ZFPM2: variants seen among roughly 807,000 people sequenced by gnomAD.
The protein encoded by ZFPM2 is zinc finger protein, FOG family member 2.
A neutral mutation model predicts 98.6 loss-of-function variants in ZFPM2; 20 were observed. That is an observed-to-expected ratio of 0.20 (90% confidence interval 0.14 to 0.29). The LOEUF (loss-of-function observed/expected upper bound fraction) is 0.29, where lower values mean the gene tolerates loss of function less well. Among genes scored for constraint, ZFPM2 ranks in the 10% least tolerant of loss-of-function variants. The pLI, the probability that ZFPM2 is intolerant of heterozygous loss-of-function variation, is 1.00. For missense variants in ZFPM2, 1,310 were observed against 1,388.6 expected (o/e 0.94, Z 0.90); for synonymous variants, 518 against 502.7 (o/e 1.03, Z -0.41).
chr8:105,592,571 C>T (rs1214341388), intron 4 of ZFPM2, among the ~76,000 whole-genome samples: 3 of 151,846 alleles, frequency 2.0e-5, no homozygotes, highest in Admixed American at 2.0e-4. Context: ...ATTTTTTTCT[C>T]ATTTTCTTTT....
Position 105,535,737 on chromosome 8 carries a change from G to A in ZFPM2, c.302-25626G>A, listed in dbSNP as rs562314356. The stretch of plus-strand genomic sequence containing the variant: ...TGCTTCAGATGCTCAGCCCTGGAGG[G>A]AGAGTTTAACTCTGTCTTCTTTCTG... On this transcript the variant is annotated intron_variant, in intron 3 of 7. Transcript: ENST00000407775. Among the ~76,000 whole-genome samples, 21 of 152,254 alleles carry A rather than the reference G, an allele frequency of 1.4e-4. No individual in the cohort carries two copies. The South Asian group carries it at 4.3e-3, about 32-fold the overall frequency.
chr8:105,319,637 G>T (rs1197741084), intron 1 of ZFPM2: 1 of 152,476 alleles, frequency 6.6e-6, no homozygotes, highest in Non-Finnish European at 1.5e-5. Flanking sequence ...ACTTCGGGCG[G>T]GTCCGGCTCA....
chr8:105,542,993 T>A (rs995038735), intron 3 of ZFPM2, among the ~76,000 whole-genome samples: 2 of 152,164 alleles, frequency 1.3e-5, no homozygotes, highest in African/African-American at 4.8e-5. Context: ...GGTGGGTCAT[T>A]AGGTTGTTAC....
chr8:105,445,398 T>G (rs1812346080), intron 3 of ZFPM2, among the ~76,000 whole-genome samples: 1 of 152,170 alleles, frequency 6.6e-6, no homozygotes. Context: ...TGTATTATAT[T>G]TAAAGTACCT....
intron 5 of ZFPM2, among the ~76,000 whole-genome samples, chr8:105,661,172 A>G (rs1031698564): frequency 1.3e-5 from 2 of 152,202 alleles, no homozygotes; most frequent in Non-Finnish European, 2.9e-5. Flanking sequence ...TGAATTGCTT[A>G]ATAAGCTTCG....
intron 5 of ZFPM2, among the ~76,000 whole-genome samples, chr8:105,658,882 A>G (rs1166692161): frequency 6.6e-6 from 1 of 152,210 alleles, no homozygotes; most frequent in Non-Finnish European, 1.5e-5. Flanking sequence ...TATCAGCATT[A>G]TTATATCAGT....
chr8:105,501,285 C>A (rs376222630), intron 3 of ZFPM2, among the ~76,000 whole-genome samples: 1 of 150,620 alleles, frequency 6.6e-6, no homozygotes, highest in Admixed American at 6.6e-5. Context: ...CAGGTTTAAG[C>A]GATTCTCCTG....
At chr8:105,604,909 A>G (rs1372014782) in intron 4 of ZFPM2, among the ~76,000 whole-genome samples, 4 of 152,104 alleles carry the variant, frequency 2.6e-5, no homozygotes, top group African/African-American at 9.7e-5. Flanking sequence ...ATTATCTTGT[A>G]TGTTTTGCTA....
At chr8:105,577,221 C>A (rs1319742522) in intron 4 of ZFPM2, among the ~76,000 whole-genome samples, 2 of 152,058 alleles carry the variant, frequency 1.3e-5, no homozygotes, top group East Asian at 3.9e-4. Flanking sequence ...CACAGAATTG[C>A]TTCATGTAAG....
chr8:105,473,068 A>AT (rs964736783), intron 3 of ZFPM2, among the ~76,000 whole-genome samples: 7 of 151,372 alleles, frequency 4.6e-5, no homozygotes, highest in Admixed American at 3.3e-4. Flanking sequence ...ATGATTTTTT[A>AT]TTTTTTTATT....
At chr8:105,656,751 C>G (rs1476996627) in intron 5 of ZFPM2, among the ~76,000 whole-genome samples, 1 of 152,128 alleles carries the variant, frequency 6.6e-6, no homozygotes, top group Admixed American at 6.6e-5. Context: ...GCTAACAGAA[C>G]TTTAGAAAAG....
intron 5 of ZFPM2, among the ~76,000 whole-genome samples, chr8:105,742,056 G>T (rs1812227606): frequency 6.6e-6 from 1 of 151,990 alleles, no homozygotes; most frequent in Admixed American, 6.6e-5. Flanking sequence ...GTTGGAAACT[G>T]GGTGTGGTGG....
chr8:105,397,919 T>C (rs979208166), intron 1 of ZFPM2, among the ~76,000 whole-genome samples: 19 of 152,118 alleles, frequency 1.2e-4, no homozygotes, highest in African/African-American at 3.6e-4. Flanking sequence ...CTACTTAAAG[T>C]ACCTTTCAGC....
At chr8:105,774,596 T>C (rs1813056170) in intron 5 of ZFPM2, among the ~76,000 whole-genome samples, 1 of 152,212 alleles carries the variant, frequency 6.6e-6, no homozygotes. Flanking sequence ...GAGAAATTTG[T>C]GTGTTTAATA....
chr8:105,791,654 C>A (rs1441828804), intron 6 of ZFPM2, among the ~76,000 whole-genome samples: 1 of 152,164 alleles, frequency 6.6e-6, no homozygotes, highest in East Asian at 1.9e-4. Flanking sequence ...GGAATAGTTT[C>A]AGAAGGAATG....
At chr8:105,560,341 T>C (rs1279458625) in intron 3 of ZFPM2, among the ~76,000 whole-genome samples, 1 of 152,080 alleles carries the variant, frequency 6.6e-6, no homozygotes, top group Non-Finnish European at 1.5e-5. Flanking sequence ...TTTCATTCCT[T>C]CATATTCTCA....
At chr8:105,679,893 A>C (rs1810562160) in intron 5 of ZFPM2, among the ~76,000 whole-genome samples, 2 of 152,242 alleles carry the variant, frequency 1.3e-5, no homozygotes, top group South Asian at 2.1e-4. Context: ...TGGGCTTTTT[A>C]AAAAGGAAAA....
chr8:105,550,221 C>A (rs1814819173), intron 3 of ZFPM2, among the ~76,000 whole-genome samples: 1 of 152,138 alleles, frequency 6.6e-6, no homozygotes, highest in Non-Finnish European at 1.5e-5. Context: ...TTACCTCCTT[C>A]AAAACTCACC....
rs542346711 is a variant in ZFPM2 at position 105,719,731 on chromosome 8, G to A, written c.533-68987G>A. Among the ~76,000 whole-genome samples the A allele has an allele frequency of 1.8e-3, 273 of 151,988 alleles. 1 individual carries two copies. Among genetic ancestry groups the A allele is most frequent in the African/African-American group, 6.4e-3 (266 of 41,524 alleles). ...TATTGTTATTGTGTTTAGCAATGTTGCTATTAGTATTAGTCTTTACACCTT... is the reference window on the plus strand; with the variant it reads ...TATTGTTATTGTGTTTAGCAATGTTACTATTAGTATTAGTCTTTACACCTT... On this transcript the variant is annotated intron_variant, in intron 5 of 7. Coordinates refer to ENST00000407775, the MANE Select transcript of ZFPM2 (RefSeq NM_012082.4).
Sources: allele counts gnomAD v4.1 joint callset (sites outside exome capture counted in the v4.1 genomes callset), GRCh38; gene constraint gnomAD v4.1.1; transcripts MANE v1.5; gene names NCBI Gene and HGNC (gene_info 2026-07-23, HGNC 2026-07-21).